Variants in TRPM6 observed in about 807,000 individuals in gnomAD.
TRPM6 encodes the protein transient receptor potential cation channel subfamily M member 6, also known as channel kinase 2.
In TRPM6, 111 loss-of-function variants were observed where a neutral mutation model predicts 247.6. The observed-to-expected ratio is 0.45, with a 90% CI of 0.38 to 0.52. The LOEUF (loss-of-function observed/expected upper bound fraction) is 0.52, where lower values mean the gene tolerates loss of function less well. Ranked by LOEUF, TRPM6 falls within the 20% of genes least tolerant of loss-of-function variation. The probability of loss-of-function intolerance (pLI) is 0.00; values close to 1 mark genes in which losing one functional copy is unlikely to be tolerated. For synonymous variants in TRPM6, 892 were observed against 853.8 expected (o/e 1.04, Z -0.78); for missense variants, 2,126 against 2,421.5 (o/e 0.88, Z 2.56).
chr9:74,762,278 C>T lies in TRPM6; in HGVS notation c.4393G>A (p.Val1465Met). Residue 1465 changes from valine (V) to methionine (M), a missense_variant, in exon 26 of 39, where the codon GTG becomes ATG. By Grantham distance (21) the Val-to-Met change is conservative (BLOSUM62 1). Transcript: ENST00000360774. ...WAFSEGDETG[V>M]FSIKKKWQTC... is the part of the protein sequence containing the mutation. ...TGCCACTTTTTCTTGATGCTAAACA[C>T]ACCAGTTTCATCACCTTCTGAAAAT... The T allele has an allele frequency of 1.2e-6, 2 of 1,614,222 alleles. No homozygotes were observed. Among genetic ancestry groups the T allele is most frequent in the Non-Finnish European group, 1.7e-6 (2 of 1,180,040 alleles).
At chr9:74,820,513 C>T in intron 8 of TRPM6, 86 bp from the exon 9 acceptor site, 1 of 1,527,764 alleles carries the variant, frequency 6.5e-7, no homozygotes, top group Non-Finnish European at 9.0e-7. Flanking sequence ...CCATCAGCTC[C>T]CCAGACTGAA....
chr9:74,789,371 A>G (rs192215610), intron 19 of TRPM6, among the ~76,000 whole-genome samples: 172 of 152,296 alleles, frequency 1.1e-3, no homozygotes, highest in African/African-American at 4.0e-3. Flanking sequence ...CTGTGTATAT[A>G]TATGTATGCC....
chr9:74,856,066 C>A (rs559183095), intron 2 of TRPM6, among the ~76,000 whole-genome samples: 139 of 152,220 alleles, frequency 9.1e-4, no homozygotes, highest in Non-Finnish European at 1.6e-3. Context: ...GGTATAATTA[C>A]AAATTATCCT....
intron 37 of TRPM6, 78 bp downstream of exon 37, chr9:74,732,607 T>C (rs1825558918): frequency 8.9e-7 from 1 of 1,127,756 alleles, no homozygotes; most frequent in African/African-American, 1.6e-5. Flanking sequence ...GGAACATATA[T>C]GTTTGTAAAT....
chr9:74,876,665 A>G (rs570789410), intron 1 of TRPM6, among the ~76,000 whole-genome samples: 1 of 152,228 alleles, frequency 6.6e-6, no homozygotes, highest in East Asian at 1.9e-4. Context: ...GCTTATACCA[A>G]TCCCTGAAGC....
intron 37 of TRPM6, among the ~76,000 whole-genome samples, chr9:74,732,177 G>C (rs1372704486): frequency 6.6e-6 from 1 of 152,202 alleles, no homozygotes; most frequent in Non-Finnish European, 1.5e-5. Context: ...TCTTATTTAA[G>C]TCAGATAATC....
intron 11 of TRPM6, among the ~76,000 whole-genome samples, chr9:74,812,645 C>A (rs992643384): frequency 6.6e-5 from 10 of 151,730 alleles, no homozygotes; most frequent in African/African-American, 2.2e-4. Flanking sequence ...ATCCTAGCAC[C>A]CTTGGAGGCT....
At chr9:74,872,285 C>A (rs192228688) in intron 1 of TRPM6, among the ~76,000 whole-genome samples, 3,237 of 151,522 alleles carry the variant, frequency 0.021, 61 homozygotes, top group Non-Finnish European at 0.034. Context: ...CACACTCAGC[C>A]AACAGTAGCA....
intron 23 of TRPM6, among the ~76,000 whole-genome samples, chr9:74,776,746 A>T (rs1020484470): frequency 6.6e-6 from 1 of 152,224 alleles, no homozygotes. Context: ...GAAACAATAT[A>T]CCATCCTTAA....
At chr9:74,805,704 C>A (rs1202422901) in intron 14 of TRPM6, among the ~76,000 whole-genome samples, 4 of 152,068 alleles carry the variant, frequency 2.6e-5, no homozygotes, top group Non-Finnish European at 5.9e-5. Context: ...GAGCCCCAGG[C>A]AGGCATTAGG....
At chr9:74,824,165 T>A (rs532440033) in intron 7 of TRPM6, among the ~76,000 whole-genome samples, 1 of 152,124 alleles carries the variant, frequency 6.6e-6, no homozygotes, top group South Asian at 2.1e-4. Context: ...ACACTTTTTT[T>A]TTTTTTATGG....
intron 7 of TRPM6, among the ~76,000 whole-genome samples, chr9:74,824,285 G>A (rs1829247817): frequency 6.6e-6 from 1 of 151,356 alleles, no homozygotes; most frequent in Non-Finnish European, 1.5e-5. Flanking sequence ...TGAATAGCTG[G>A]GATTACAGGT....
chr9:74,727,412 C>A (rs1825368976), intron 38 of TRPM6, among the ~76,000 whole-genome samples: 2 of 150,668 alleles, frequency 1.3e-5, no homozygotes, highest in African/African-American at 2.4e-5. Context: ...AAAGAAATCT[C>A]CTTCGTTTGT....
intron 21 of TRPM6, among the ~76,000 whole-genome samples, chr9:74,783,068 T>C (rs1348493341): frequency 6.6e-6 from 1 of 152,182 alleles, no homozygotes; most frequent in African/African-American, 2.4e-5. Context: ...TATGGAATAA[T>C]ATAAATGTGC....
At chr9:74,782,233 C>T (rs1788126499) in intron 23 of TRPM6, 129 bp downstream of exon 23, 1 of 688,922 alleles carries the variant, frequency 1.5e-6, no homozygotes, top group South Asian at 1.9e-5. Context: ...GTGCATATTT[C>T]AAAACAATAA....
At position 74,827,768 on chromosome 9, in the gene TRPM6, T is replaced by C. The variant is rs1245204021; in HGVS notation, c.841+10A>G. 1.2e-6 allele frequency: 2 copies of C among 1,614,014 alleles called. No homozygotes were observed. Among genetic ancestry groups the C allele is most frequent in the Non-Finnish European group, 1.7e-6 (2 of 1,179,966 alleles). ...ACCAGACTGGGTGACTGAGCCCCTG[T>C]GATACTCACGGCAGTGTATTTTCTG... On this transcript the variant is annotated intron_variant, in intron 7 of 38. Transcript: ENST00000360774.
At chr9:74,737,586 A>G in intron 36 of TRPM6, 1 of 476,750 alleles carries the variant, frequency 2.1e-6, no homozygotes, top group Non-Finnish European at 3.6e-6. Flanking sequence ...TGTCTTAAGA[A>G]CAGCTTAAGT....
intron 3 of TRPM6, among the ~76,000 whole-genome samples, chr9:74,853,830 C>T (rs1287734388): frequency 3.3e-5 from 5 of 151,514 alleles, no homozygotes; most frequent in South Asian, 2.1e-4. Flanking sequence ...TCCCCCTCTC[C>T]GAGAAACACC....
At chr9:74,755,216 C>G (rs1444830178) in intron 28 of TRPM6, 137 bp downstream of exon 28, 1 of 989,670 alleles carries the variant, frequency 1.0e-6, no homozygotes, top group Non-Finnish European at 1.6e-6. Flanking sequence ...ATGCTATTTT[C>G]CTTACAGAGT....
Sources: gnomAD v4.1 joint callset for allele counts (sites outside exome capture counted in the v4.1 genomes callset) on GRCh38, gnomAD v4.1.1 for gene constraint, MANE v1.5 for transcripts, NCBI Gene and HGNC (gene_info 2026-07-23, HGNC 2026-07-21) for gene names.